Variants in A3GALT2 observed in about 807,000 individuals in gnomAD.
A3GALT2 encodes the protein alpha 1,3-galactosyltransferase 2, also known as alpha-1,3-galactosyltransferase 2.
Under a neutral mutation model 16.6 loss-of-function variants are expected in A3GALT2, and 14 were observed. That is an observed-to-expected ratio of 0.84 (90% confidence interval 0.56 to 1.32). The LOEUF (loss-of-function observed/expected upper bound fraction) is 1.32. Among genes scored for constraint, A3GALT2 ranks in the 40% most tolerant of loss-of-function variants. A3GALT2 has a pLI of 0.00. For synonymous variants in A3GALT2, 253 were observed against 218.0 expected, an observed-to-expected ratio of 1.16 and a Z score of -1.42; for missense variants, 600 against 490.9, an observed-to-expected ratio of 1.22 and a Z score of -2.10.
intron 1 of A3GALT2, among the ~76,000 whole-genome samples, chr1:33,317,681 G>C (rs1646267681): frequency 6.6e-6 from 1 of 152,200 alleles, no homozygotes; most frequent in Non-Finnish European, 1.5e-5. Context: ...CAACCCCAGG[G>C]TTCATCAGTA....
rs369975413 is a variant in A3GALT2 at position 33,307,192 on chromosome 1, G to A, written c.597C>T (p.Asp199=). 6.5e-7 allele frequency: 1 copy of A among 1,542,330 alleles called. No homozygotes were observed. The highest frequency in any genetic ancestry group is 8.7e-7 in the Non-Finnish European group (1 of 1,147,858). The change falls in exon 5 of 5, where the codon GAC becomes GAT. Residue 199 remains aspartate, a synonymous_variant. Transcript: ENST00000442999. The part of the protein sequence containing the change: ...GREAHFMFCM[D]VDQHFSGTFG... ...AAGTGCCGCTGAAGTGCTGGTCCAC[G>A]TCCATGCAGAACATGAAGTGCGCCT...
Position 33,312,134 on chromosome 1 carries a change from C to T in A3GALT2, c.253G>A (p.Gly85Ser), listed in dbSNP as rs749961396. The change falls in exon 4 of 5, where the codon GGC becomes AGC. Residue 85 changes from glycine to serine, a missense_variant. Coordinates refer to ENST00000442999, the MANE Select transcript of A3GALT2 (RefSeq NM_001080438.1). Reference protein sequence around the residue: ...TPWGAPIIWDGSFDPDVAKQE... With the variant: ...TPWGAPIIWDSSFDPDVAKQE... ...TTGGCCACATCTGGGTCGAAAGAGC[C>T]ATCCCAAATAATGGGAGCCCCCCAG... The T allele has an allele frequency of 6.2e-7, 1 of 1,613,522 alleles. No homozygotes were observed. Among genetic ancestry groups the T allele is most frequent in the Admixed American group, 1.7e-5 (1 of 59,946 alleles).
rs1646217096 is a variant in A3GALT2, at chr1:33,308,761, T to TTTTTGTTTTG, written c.336-1309_336-1308insCAAAACAAAA. 2.7e-5 allele frequency among the ~76,000 whole-genome samples: 3 copies of TTTTTGTTTTG among 111,172 alleles called. No individual in the cohort carries two copies. In the South Asian group the frequency reaches 7.6e-4, roughly 28 times the overall value. The allele number at this position is 111,172 out of a possible 152,430, so 72.9% of individuals were successfully genotyped here. ...GTCATGTCAAAGTTGTTTTTTTTTT[T>TTTTTGTTTTG]TTTTTTTTTTTTTTTTTTTAGTATT... is the stretch of plus-strand genomic sequence containing the variant. On this transcript the variant is annotated intron_variant, in intron 4 of 4. Coordinates refer to ENST00000442999, the MANE Select transcript of A3GALT2 (RefSeq NM_001080438.1).
chr1:33,316,072 TGAGGAGGTAGTTGGGGCCTCCTG>T (rs1427504734), intron 1 of A3GALT2, among the ~76,000 whole-genome samples: 4 of 152,152 alleles, frequency 2.6e-5, no homozygotes, highest in Admixed American at 2.0e-4. Flanking sequence ...CCTTCGTAGA[TGAGGAGGTAGTTGGGGCCTCCTG>T]GAGGAGGAGT....
chr1:33,315,916 TGTG>T (rs1646259168), intron 1 of A3GALT2, among the ~76,000 whole-genome samples: 1 of 151,888 alleles, frequency 6.6e-6, no homozygotes, highest in Non-Finnish European at 1.5e-5. Context: ...GTCAGGAAGA[TGTG>T]GGTGTAGTTG....
chr1:33,316,231 G>A lies in A3GALT2; in HGVS notation c.24-3341C>T, dbSNP rs1019329352. On this transcript the variant is annotated intron_variant, in intron 1 of 4. Coordinates refer to ENST00000442999, the MANE Select transcript of A3GALT2 (RefSeq NM_001080438.1). ...GCAAAAGTGAGGAAGCCTCACTCCT[G>A]GAATGTCTGTGGAACTGCAGGGTGG... Among the ~76,000 whole-genome samples, 5 of 152,050 alleles carry A rather than the reference G, an allele frequency of 3.3e-5. No individual in the cohort carries two copies. In the South Asian group the frequency reaches 6.2e-4, roughly 19 times the overall value.
rs954482470 is a variant in A3GALT2, at chr1:33,320,110, C to T, written c.23+966G>A. On this transcript the variant is annotated intron_variant, in intron 1 of 4. Coordinates refer to ENST00000442999, the MANE Select transcript of A3GALT2 (RefSeq NM_001080438.1). The surrounding 1 kb of genome is among the most constrained non-coding windows in gnomAD (Gnocchi z 4.3). ...CTGTTATTTCTCCCCGTGGGCTTGG[C>T]TTCTTCCCTTCGCACTCTATTCAGC... Among the ~76,000 whole-genome samples the T allele has an allele frequency of 1.3e-5, 2 of 151,934 alleles. No individual in the cohort carries two copies. Among genetic ancestry groups the T allele is most frequent in the African/African-American group, 4.8e-5 (2 of 41,428 alleles).
In A3GALT2 at chr1:33,312,541, A is replaced by T. The variant is rs757626318; in HGVS notation, c.157T>A (p.Ser53Thr). Residue 53 changes from serine to threonine, a missense_variant, in exon 3 of 5, where the codon TCC becomes ACC. Physicochemically the swap from Ser to Thr is moderately conservative, Grantham distance 58. Transcript: ENST00000442999. ...PMGVCPSATM[S>T]QLRDNFTGAL... ...CCTGTGAAGTTGTCTCTCAGCTGGG[A>T]CATTGTGGCCGAAGGGCAGACGCCC... 5.6e-6 allele frequency: 9 copies of T among 1,604,018 alleles called. No individual in the cohort carries two copies. Among genetic ancestry groups the T allele is most frequent in the Non-Finnish European group, 7.7e-6 (9 of 1,174,664 alleles).
At position 33,312,106 on chromosome 1, in the gene A3GALT2, T is replaced by G; in HGVS notation, c.281A>C (p.Gln94Pro). The change falls in exon 4 of 5, where the codon CAA becomes CCA. Residue 94 changes from glutamine (Q) to proline (P), a missense_variant. Transcript: ENST00000442999. ...GGTGAGGTTCTGCTGTCTAGCCTCT[T>G]GCTTGGCCACATCTGGGTCGAAAGA... ...DGSFDPDVAK[Q>P]EARQQNLTIG... The G allele has an allele frequency of 2.5e-6, 4 of 1,613,720 alleles. No homozygotes were observed. In the South Asian group the frequency reaches 3.3e-5, roughly 13 times the overall value.
intron 1 of A3GALT2, 147 bp from the exon 2 acceptor site, chr1:33,313,037 G>GAGAGGATGCACAAGTGTTTGTGGCTCAGT: frequency 1.5e-6 from 1 of 687,552 alleles, no homozygotes; most frequent in Admixed American, 2.3e-5. Flanking sequence ...TCTTGTGCAG[G>GAGAGGATGCACAAGTGTTTGTGGCTCAGT]GGCATGACCT....
intron 1 of A3GALT2, among the ~76,000 whole-genome samples, chr1:33,319,191 CAG>C (rs962584150): frequency 1.3e-5 from 2 of 152,176 alleles, no homozygotes; most frequent in African/African-American, 4.8e-5. Flanking sequence ...GGGGAGAAAG[CAG>C]GGGTCCATTT....
rs376686721 is a variant in A3GALT2, at chr1:33,310,306, A to AGGGAGAGGGAGACCG, written c.335+1731_335+1745dup. Among the ~76,000 whole-genome samples the AGGGAGAGGGAGACCG allele has an allele frequency of 5.1e-4, 78 of 151,766 alleles. No homozygotes were observed. The East Asian group carries it at 8.3e-3, about 16-fold the overall frequency. On this transcript the variant is annotated intron_variant, in intron 4 of 4. Coordinates refer to ENST00000442999, the MANE Select transcript of A3GALT2 (RefSeq NM_001080438.1). ...AGGGAGACCGTGGAGAGAGAGGGAG[A>AGGGAGAGGGAGACCG]GGGAGAGGGAGACCGGGGAGAGGGA...
At chr1:33,310,332 G>A (rs546657329) in intron 4 of A3GALT2, among the ~76,000 whole-genome samples, 2 of 152,032 alleles carry the variant, frequency 1.3e-5, no homozygotes, top group Admixed American at 1.3e-4. Flanking sequence ...GGGAGAGGGA[G>A]ACCGGGGAGA....
intron 4 of A3GALT2, among the ~76,000 whole-genome samples, chr1:33,308,750 G>GTTTTTTT (rs56655319): frequency 6.5e-4 from 30 of 46,096 alleles, no homozygotes; most frequent in African/African-American, 2.7e-3. Flanking sequence ...TGTCAAAGTT[G>GTTTTTTT]TTTTTTTTTT....
At chr1:33,309,650 C>T (rs964594265) in intron 4 of A3GALT2, among the ~76,000 whole-genome samples, 2 of 151,230 alleles carry the variant, frequency 1.3e-5, no homozygotes, top group Non-Finnish European at 3.0e-5. Context: ...AGAGACGCTC[C>T]TCAGTTCCCA....
At chr1:33,316,650 G>T (rs1485972220) in intron 1 of A3GALT2, among the ~76,000 whole-genome samples, 1 of 152,128 alleles carries the variant, frequency 6.6e-6, no homozygotes, top group African/African-American at 2.4e-5. Context: ...GTGAGGGGCT[G>T]TCAGGGAGGG....
chr1:33,306,979 C>T lies in A3GALT2; in HGVS notation c.810G>A (p.Ala270=), dbSNP rs1280122855. ...GSVAALRGLT[A]HCAGGLDWDR... is the part of the protein sequence containing the mutation. ...CCCAGTCCAGGCCCCCCGCACAGTGCGCCGTCAGCCCGCGCAGCGCCGCCA... is the reference window on the plus strand; with the variant it reads ...CCCAGTCCAGGCCCCCCGCACAGTGTGCCGTCAGCCCGCGCAGCGCCGCCA... Residue 270 remains alanine, a synonymous_variant, in exon 5 of 5, where the codon GCG becomes GCA. Coordinates refer to ENST00000442999, the MANE Select transcript of A3GALT2 (RefSeq NM_001080438.1). 14 of 1,474,346 alleles carry T rather than the reference C, an allele frequency of 9.5e-6. No individual in the cohort carries two copies. Among genetic ancestry groups the T allele is most frequent in the Middle Eastern group, 3.5e-4 (2 of 5,754 alleles). The allele number at this position is 1,474,346 out of a possible 1,614,324, so 91.3% of individuals were successfully genotyped here. A position where few individuals can be genotyped will look rare whatever the true frequency, so the allele number is the denominator to read the frequency against.
At chr1:33,313,175 G>GT (rs10662364) in intron 1 of A3GALT2, 28,665 of 90,294 alleles carry the variant, frequency 0.32, 11,515 homozygotes, top group Admixed American at 0.43. Context: ...CAGTGACGGA[G>GT]TTTTTTTTTT....
At chr1:33,309,386 G>A (rs1168388248) in intron 4 of A3GALT2, among the ~76,000 whole-genome samples, 1 of 150,776 alleles carries the variant, frequency 6.6e-6, no homozygotes, top group African/African-American at 2.4e-5. Context: ...GGGGCTGGCC[G>A]GGCGGGGGCT....
Sources: allele counts gnomAD v4.1 joint callset (sites outside exome capture counted in the v4.1 genomes callset), GRCh38; gene constraint gnomAD v4.1.1; non-coding constraint Gnocchi (gnomAD v3.1); transcripts MANE v1.5; gene names NCBI Gene and HGNC (gene_info 2026-07-23, HGNC 2026-07-21).